Variants in ST6GAL2 observed in about 807,000 individuals in gnomAD.
ST6GAL2 encodes ST6 beta-galactoside alpha-2,6-sialyltransferase 2.
ST6GAL2 carries 24 observed loss-of-function variants against 37.5 expected under a neutral mutation model. That is an observed-to-expected ratio of 0.64 (90% CI 0.46 to 0.90). The LOEUF is 0.90. ST6GAL2 is among the 40% of genes least tolerant of loss of function. The pLI, the probability that ST6GAL2 is intolerant of heterozygous loss-of-function variation, is 0.00. For synonymous variants in ST6GAL2, 306 were observed against 295.1 expected, an observed-to-expected ratio of 1.04 and a Z score of -0.38; for missense variants, 715 against 712.7, an observed-to-expected ratio of 1.00 and a Z score of -0.04.
intron 1 of ST6GAL2, among the ~76,000 whole-genome samples, chr2:106,869,562 C>A (rs1294652709): frequency 2.0e-5 from 3 of 152,172 alleles, no homozygotes; most frequent in Non-Finnish European, 2.9e-5. Context: ...TTACAAAGTG[C>A]AGACGCCCCC....
chr2:106,845,294 T>C (rs2104527705), intron 1 of ST6GAL2, among the ~76,000 whole-genome samples: 1 of 152,258 alleles, frequency 6.6e-6, no homozygotes, highest in East Asian at 1.9e-4. Flanking sequence ...CTGGGGCACA[T>C]GCTGTATAAA....
intron 1 of ST6GAL2, among the ~76,000 whole-genome samples, chr2:106,874,292 T>G (rs1678404649): frequency 6.6e-6 from 1 of 151,232 alleles, no homozygotes; most frequent in African/African-American, 2.4e-5. Context: ...TTAATGGGAG[T>G]TGGTGGAAGT....
intron 1 of ST6GAL2, among the ~76,000 whole-genome samples, chr2:106,872,913 T>C (rs1040986640): frequency 1.3e-5 from 2 of 152,204 alleles, no homozygotes; most frequent in Non-Finnish European, 2.9e-5. Context: ...ATTTCGATTC[T>C]AGTACAGGTT....
At chr2:106,844,159 C>A (rs1178266481) in intron 1 of ST6GAL2, 125 bp from the exon 2 acceptor site, 12 of 514,386 alleles carry the variant, frequency 2.3e-5, no homozygotes, top group Non-Finnish European at 4.1e-5. Context: ...GCACTAGAAA[C>A]CAGAATCATC....
intron 2 of ST6GAL2, among the ~76,000 whole-genome samples, chr2:106,838,544 A>G (rs1156259337): frequency 6.6e-6 from 1 of 152,146 alleles, no homozygotes; most frequent in Admixed American, 6.5e-5. Flanking sequence ...CTCTGGAGTG[A>G]TCTCTCTACA....
chr2:106,838,522 C>G (rs1302282644), intron 2 of ST6GAL2, among the ~76,000 whole-genome samples: 2 of 152,184 alleles, frequency 1.3e-5, no homozygotes, highest in Non-Finnish European at 2.9e-5. Context: ...CCCTTGCACC[C>G]TCAAGTCCAG....
In ST6GAL2 at chr2:106,856,312, C is replaced by A. The variant is rs548614476; in HGVS notation, c.-57-12278G>T. Among the ~76,000 whole-genome samples, 4 of 152,302 alleles carry A rather than the reference C, an allele frequency of 2.6e-5. No homozygotes were observed. The East Asian group carries it at 7.7e-4, about 29-fold the overall frequency. ...GACAACCCAAGGGTAACAACCCTGG[C>A]TTCTCACTCCACCTTTTAATCCTTC... On this transcript the variant is annotated intron_variant, in intron 1 of 5. Coordinates refer to ENST00000409382, the MANE Select transcript of ST6GAL2 (RefSeq NM_001142351.2).
chr2:106,870,188 A>G (rs1346059371), intron 1 of ST6GAL2, among the ~76,000 whole-genome samples: 1 of 152,160 alleles, frequency 6.6e-6, no homozygotes, highest in Non-Finnish European at 1.5e-5. Context: ...CATTGGCCAG[A>G]GAGAGTCCTG....
intron 2 of ST6GAL2, chr2:106,834,774 C>G (rs1394183571): frequency 6.6e-6 from 1 of 152,472 alleles, no homozygotes; most frequent in Non-Finnish European, 1.5e-5. Flanking sequence ...TGCCAGACCA[C>G]CATAGCCCCT....
At chr2:106,886,820 G>C (rs1029647615), upstream of ST6GAL2, among the ~76,000 whole-genome samples, 2 of 151,898 alleles carry the variant, frequency 1.3e-5, no homozygotes, top group African/African-American at 2.4e-5. Context: ...GAGCGCAGGC[G>C]GGGCGCTCCC....
At position 106,806,471 on chromosome 2, in the gene ST6GAL2, C is replaced by G. The variant is rs764242567; in HGVS notation, c.*207G>C. ...TCCTTGGTTTTGCATCTTTCTTGAG[C>G]CTTATTTTTTTAAAAAAACCATTTC... On this transcript the variant is annotated 3_prime_UTR_variant, in exon 6 of 6. Transcript: ENST00000409382. 1.7e-5 allele frequency: 10 copies of G among 579,694 alleles called. No homozygotes were observed. The highest frequency in any genetic ancestry group is 2.6e-5 in the South Asian group (1 of 37,980). 35.9% of individuals were successfully genotyped at this position (579,694 alleles called of 1,614,324 possible).
rs75979078 is a variant in ST6GAL2 at position 106,841,933 on chromosome 2, T to A, written c.943+1102A>T. ...TAGGCCACAGTGCCCAGCTGGTTGG[T>A]CAAACACTAGTCCAGATGTTGCTGG... On this transcript the variant is annotated intron_variant, in intron 2 of 5. Transcript: ENST00000409382. 7.6e-3 allele frequency among the ~76,000 whole-genome samples: 1,154 copies of A among 152,324 alleles called. 4 individuals carry two copies. Among genetic ancestry groups the A allele is most frequent in the Non-Finnish European group, 0.012 (814 of 68,028 alleles).
rs955815532 is a variant in ST6GAL2 at position 106,858,605 on chromosome 2, C to T, written c.-57-14571G>A. Among the ~76,000 whole-genome samples, 3 of 152,166 alleles carry T rather than the reference C, an allele frequency of 2.0e-5. No individual in the cohort carries two copies. The East Asian group carries it at 5.8e-4, about 29-fold the overall frequency. Reference sequence around the variant, plus strand: ...GGCCAAGGGAAGATAAAAATTATCTCTGGGCTGATGGAAAACAAGAGTGGG... The same window carrying T: ...GGCCAAGGGAAGATAAAAATTATCTTTGGGCTGATGGAAAACAAGAGTGGG... On this transcript the variant is annotated intron_variant, in intron 1 of 5. Coordinates refer to ENST00000409382, the MANE Select transcript of ST6GAL2 (RefSeq NM_001142351.2).
chr2:106,839,448 A>T lies in ST6GAL2; in HGVS notation c.943+3587T>A, dbSNP rs770930410. Among the ~76,000 whole-genome samples the T allele has an allele frequency of 1.6e-3, 237 of 152,150 alleles. 5 individuals are homozygous for T. Among genetic ancestry groups the T allele is most frequent in the Non-Finnish European group, 3.5e-4 (24 of 68,022 alleles). On this transcript the variant is annotated intron_variant, in intron 2 of 5. Coordinates refer to ENST00000409382, the MANE Select transcript of ST6GAL2 (RefSeq NM_001142351.2). ...ACTGGAATTGTCTGTTTACCACTGA[A>T]GTGTGCCGGTATGGATAGTTGAGCC...
At chr2:106,874,872 T>G (rs1678434429) in intron 1 of ST6GAL2, among the ~76,000 whole-genome samples, 1 of 152,178 alleles carries the variant, frequency 6.6e-6, no homozygotes, top group Admixed American at 6.5e-5. Flanking sequence ...CAGCAGCAGG[T>G]AGCAGAGGCA....
At chr2:106,829,007 T>C (rs2104462334) in intron 5 of ST6GAL2, among the ~76,000 whole-genome samples, 1 of 152,288 alleles carries the variant, frequency 6.6e-6, no homozygotes, top group East Asian at 1.9e-4. Flanking sequence ...ACTCTTCGGT[T>C]AAGAGAGCTA....
chr2:106,816,655 G>A lies in ST6GAL2; in HGVS notation c.1319-9706C>T, dbSNP rs548551645. Among the ~76,000 whole-genome samples the A allele has an allele frequency of 2.0e-4, 31 of 152,264 alleles. No individual in the cohort carries two copies. The South Asian group carries it at 6.4e-3, about 32-fold the overall frequency. On this transcript the variant is annotated intron_variant, in intron 5 of 5. Coordinates refer to ENST00000409382, the MANE Select transcript of ST6GAL2 (RefSeq NM_001142351.2). ...TTTAAAACCTTAATAAGGATATAGGGAGGCAGAGCAAGATGGCCGAATAGA... is the reference window on the plus strand; with the variant it reads ...TTTAAAACCTTAATAAGGATATAGGAAGGCAGAGCAAGATGGCCGAATAGA...
chr2:106,820,732 A>C (rs1332974635), intron 5 of ST6GAL2, among the ~76,000 whole-genome samples: 1 of 152,108 alleles, frequency 6.6e-6, no homozygotes, highest in Non-Finnish European at 1.5e-5. Context: ...ATGTTAGGCC[A>C]CAAAACAAGT....
chr2:106,856,984 CA>C (rs1182047842), intron 1 of ST6GAL2, among the ~76,000 whole-genome samples: 3 of 152,142 alleles, frequency 2.0e-5, no homozygotes, highest in Non-Finnish European at 4.4e-5. Flanking sequence ...CTGGTATACA[CA>C]AAAATCACCT....
Sources: gnomAD v4.1 joint callset for allele counts (sites outside exome capture counted in the v4.1 genomes callset) on GRCh38, gnomAD v4.1.1 for gene constraint, MANE v1.5 for transcripts, NCBI Gene and HGNC (gene_info 2026-07-23, HGNC 2026-07-21) for gene names.